MYO7A: variants seen among roughly 807,000 people sequenced by gnomAD.
MYO7A encodes the protein unconventional myosin-VIIa.
MYO7A carries 210 observed loss-of-function variants against 263.8 expected under a neutral mutation model. The observed-to-expected ratio is 0.80, with a 90% CI of 0.71 to 0.89. MYO7A has a LOEUF of 0.89. Ranked by LOEUF, MYO7A falls within the 40% of genes least tolerant of loss-of-function variation. MYO7A has a pLI of 0.00. For missense variants in MYO7A, 2,820 were observed against 2,968.3 expected, an observed-to-expected ratio of 0.95 and a Z score of 1.16; for synonymous variants, 1,239 against 1,197.3, an observed-to-expected ratio of 1.03 and a Z score of -0.72.
intron 25 of MYO7A, 121 bp downstream of exon 25, chr11:77,182,721 A>G: frequency 9.4e-7 from 1 of 1,069,060 alleles, no homozygotes; most frequent in East Asian, 2.6e-5. Context: ...TGCCTCACCG[A>G]CCCCTGCCTG....
intron 18 of MYO7A, among the ~76,000 whole-genome samples, chr11:77,177,136 C>A (rs1340339723): frequency 1.3e-5 from 2 of 152,046 alleles, no homozygotes; most frequent in African/African-American, 4.8e-5. Flanking sequence ...CAGGAGGCCG[C>A]GAGACCTTTA....
Position 77,194,470 on chromosome 11 carries a change from G to T in MYO7A, c.4269G>T (p.Thr1423=). 6.2e-7 allele frequency: 1 copy of T among 1,609,382 alleles called. No individual in the cohort carries two copies. The highest frequency in any genetic ancestry group is 1.7e-5 in the Admixed American group (1 of 59,476). Residue 1423 remains threonine (T), a synonymous_variant, in exon 32 of 49, where the codon ACG becomes ACT. Transcript: ENST00000409709. ...CCTACATCCCCGACCGCGAGATCAC[G>T]CCCCTGAAGACGCTGGAGAAGTGGG... ...VPTYIPDREI[T]PLKTLEKWAQ... is the part of the protein sequence containing the mutation.
In MYO7A at chr11:77,201,463, G is replaced by A. The variant is rs1265861779; in HGVS notation, c.4868G>A (p.Gly1623Asp). ...TGCTCTACAGCAGGCGAGGAGTCAG[G>A]CTTCCTCAGCTTTGCCAAGGGAGAC... ...DNPNPAGEES[G>D]FLSFAKGDLI... The change falls in exon 36 of 49, where the codon GGC becomes GAC. Residue 1623 changes from glycine (G) to aspartate (D), a missense_variant. Gly to Asp is a moderately conservative substitution (Grantham distance 94, BLOSUM62 -1). Transcript: ENST00000409709. 2.5e-6 allele frequency: 4 copies of A among 1,613,850 alleles called. No individual in the cohort carries two copies. Among genetic ancestry groups the A allele is most frequent in the Non-Finnish European group, 3.4e-6 (4 of 1,179,850 alleles).
intron 35 of MYO7A, 55 bp downstream of exon 35, chr11:77,199,873 A>G (rs576166807): frequency 2.0e-6 from 3 of 1,474,768 alleles, no homozygotes; most frequent in South Asian, 2.7e-5. Flanking sequence ...TGTTATGCAG[A>G]CTGTCTTAGT....
chr11:77,195,427 C>T (rs1364144057), intron 32 of MYO7A, among the ~76,000 whole-genome samples: 2 of 152,224 alleles, frequency 1.3e-5, no homozygotes, highest in African/African-American at 4.8e-5. Flanking sequence ...CACATGCCGG[C>T]AGCCACTGCA....
chr11:77,144,003 G>C (rs776656049), intron 3 of MYO7A, among the ~76,000 whole-genome samples: 13 of 152,126 alleles, frequency 8.5e-5, no homozygotes, highest in Non-Finnish European at 1.8e-4. Flanking sequence ...AGGCAGGGAG[G>C]GAAAGAATTG....
At chr11:77,132,822 A>C (rs1222455502) in intron 2 of MYO7A, among the ~76,000 whole-genome samples, 1 of 152,232 alleles carries the variant, frequency 6.6e-6, no homozygotes, top group Non-Finnish European at 1.5e-5. Flanking sequence ...GCATATGATG[A>C]AACAGGCTCA....
In MYO7A at chr11:77,192,156, CTCT is replaced by C. The variant is rs1437625274; in HGVS notation, c.4036_4038del (p.Phe1346del). ...CCAGGAGCGCAACGCCCCCTGGAGG[CTCT>C]TCTTCCGCAAAGAGGTCTTCACGCC... On this transcript the variant is annotated inframe_deletion, in exon 31 of 49. Transcript: ENST00000409709. 3 of 1,613,908 alleles carry C rather than the reference CTCT, an allele frequency of 1.9e-6. No homozygotes were observed. The highest frequency in any genetic ancestry group is 2.5e-6 in the Non-Finnish European group (3 of 1,179,912).
rs190624231 is a variant in MYO7A at position 77,175,396 on chromosome 11, C to A, written c.2119C>A (p.Arg707Ser). The change falls in exon 18 of 49, where the codon CGC (arginine) becomes AGC (serine). Residue 707 changes from arginine to serine, a missense_variant. Transcript: ENST00000409709. Reference protein sequence around the residue: ...KQGDLRGTCQRMAEAVLGTHD... With the variant: ...KQGDLRGTCQSMAEAVLGTHD... Reference sequence around the variant, plus strand: ...GGGCGACCTCCGCGGGACTTGCCAGCGCATGGCTGAGGCTGTGCTGGGCAC... The same window carrying A: ...GGGCGACCTCCGCGGGACTTGCCAGAGCATGGCTGAGGCTGTGCTGGGCAC... The A allele has an allele frequency of 6.2e-7, 1 of 1,613,258 alleles. No homozygotes were observed. The highest frequency in any genetic ancestry group is 1.1e-5 in the South Asian group (1 of 91,074).
In MYO7A at chr11:77,197,545, G is replaced by A. The variant is rs558085909; in HGVS notation, c.4388G>A (p.Arg1463His). Residue 1463 changes from arginine to histidine, a missense_variant, in exon 33 of 49, where the codon CGC becomes CAC. Coordinates refer to ENST00000409709, the MANE Select transcript of MYO7A (RefSeq NM_000260.4). ...KVKEDVVSYA[R>H]FKWPLLFSRF... ...AAAGAGGATGTGGTCAGTTATGCCC[G>A]CTTCAAGTGGCCCTTGCTCTTCTCC... The A allele has an allele frequency of 1.4e-5, 23 of 1,607,462 alleles. No individual in the cohort carries two copies. The highest frequency in any genetic ancestry group is 6.7e-5 in the African/African-American group (5 of 74,936).
At chr11:77,146,181 A>G (rs1285725670) in intron 3 of MYO7A, among the ~76,000 whole-genome samples, 3 of 152,200 alleles carry the variant, frequency 2.0e-5, no homozygotes, top group South Asian at 4.1e-4. Context: ...CAGTGGAGCG[A>G]AGTCACAGAG....
intron 32 of MYO7A, 133 bp from the exon 33 acceptor site, chr11:77,197,348 C>A: frequency 3.1e-6 from 2 of 643,112 alleles, no homozygotes; most frequent in Non-Finnish European, 5.3e-6. Flanking sequence ...CAGATGGGAG[C>A]AGGGCAAGGC....
chr11:77,153,574 C>A (rs1015358189), intron 4 of MYO7A, among the ~76,000 whole-genome samples: 7 of 152,176 alleles, frequency 4.6e-5, no homozygotes, highest in Middle Eastern at 3.2e-3. Flanking sequence ...CCGTGCCTTG[C>A]ACGTGGCCAC....
chr11:77,189,557 A>C, intron 28 of MYO7A, 87 bp downstream of exon 28: 4 of 1,565,080 alleles, frequency 2.6e-6, no homozygotes, highest in Non-Finnish European at 2.6e-6. Context: ...AGGGGCTCCA[A>C]AGGGCCTGGT....
At chr11:77,183,874 A>C (rs1408216801) in intron 26 of MYO7A, among the ~76,000 whole-genome samples, 1 of 152,146 alleles carries the variant, frequency 6.6e-6, no homozygotes, top group Non-Finnish European at 1.5e-5. Context: ...CCAGCCTTGC[A>C]GGTGTGTGGC....
rs185176778 is a variant in MYO7A at position 77,161,840 on chromosome 11, C to T, written c.1344-280C>T. ...GCCCACCTGCCAATCCCCAGCCCTC[C>T]CCAGGGCTTGATCATGCCAGGGAAA... On this transcript the variant is annotated intron_variant, in intron 12 of 48. Transcript: ENST00000409709. Among the ~76,000 whole-genome samples the T allele has an allele frequency of 3.7e-4, 56 of 152,310 alleles. No individual in the cohort carries two copies. In the East Asian group the frequency reaches 7.4e-3, roughly 20 times the overall value.
Position 77,179,029 on chromosome 11 carries a change from A to G in MYO7A, c.2283-16A>G. On this transcript the variant is annotated splice_polypyrimidine_tract_variant and intron_variant, in intron 19 of 48. Coordinates refer to ENST00000409709, the MANE Select transcript of MYO7A (RefSeq NM_000260.4). ...CCTCTGGACACTGCTCACCCGCGCC[A>G]CTACTGCTGTTTCAGGTCTAACTTT... 2.5e-6 allele frequency: 4 copies of G among 1,591,508 alleles called. No individual in the cohort carries two copies. Among genetic ancestry groups the G allele is most frequent in the South Asian group, 1.1e-5 (1 of 87,280 alleles).
Position 77,214,728 on chromosome 11 carries a change from G to A in MYO7A, c.*32G>A. 6.7e-7 allele frequency: 1 copy of A among 1,496,036 alleles called. No individual in the cohort carries two copies. Among genetic ancestry groups the A allele is most frequent in the South Asian group, 1.2e-5 (1 of 82,844 alleles). The allele number at this position is 1,496,036 out of a possible 1,614,324, so 92.7% of individuals were successfully genotyped here. The stretch of plus-strand genomic sequence containing the variant: ...ACGGGGAGGTGCTGGTTCCATGCCT[G>A]CTCTCGAGGCAGCAGTGGGTTCAGG... On this transcript the variant is annotated 3_prime_UTR_variant, in exon 49 of 49. Coordinates refer to ENST00000409709, the MANE Select transcript of MYO7A (RefSeq NM_000260.4).
rs371290013 is a variant in MYO7A at position 77,200,473 on chromosome 11, G to A, written c.4852+655G>A. Among the ~76,000 whole-genome samples, 189 of 152,264 alleles carry A rather than the reference G, an allele frequency of 1.2e-3. 2 individuals carry two copies. The highest frequency in any genetic ancestry group is 4.3e-3 in the African/African-American group (179 of 41,558). On this transcript the variant is annotated intron_variant, in intron 35 of 48. Transcript: ENST00000409709. ...ATAGAGTGAGAACTCACTCATTACC[G>A]TGAGCACGGCACCACACTGTTCATG...
Sources: gnomAD v4.1 joint callset for allele counts (sites outside exome capture counted in the v4.1 genomes callset) on GRCh38, gnomAD v4.1.1 for gene constraint, MANE v1.5 for transcripts, NCBI Gene and HGNC (gene_info 2026-07-23, HGNC 2026-07-21) for gene names.